ZDHHC20: variants seen among roughly 807,000 people sequenced by gnomAD.
The protein encoded by ZDHHC20 is zDHHC palmitoyltransferase 20.
Under a neutral mutation model 57.8 loss-of-function variants are expected in ZDHHC20, and 43 were observed. The ratio of observed to expected loss-of-function variants is 0.74; its 90% confidence interval spans 0.58 to 0.96. The LOEUF (loss-of-function observed/expected upper bound fraction) is 0.96. Ranked by LOEUF, ZDHHC20 falls within the 40% of genes least tolerant of loss-of-function variation. The pLI, the probability that ZDHHC20 is intolerant of heterozygous loss-of-function variation, is 0.00. For synonymous variants in ZDHHC20, 157 were observed against 153.0 expected, an observed-to-expected ratio of 1.03 and a Z score of -0.19; for missense variants, 391 against 441.1, an observed-to-expected ratio of 0.89 and a Z score of 1.02.
At chr13:21,454,106 G>A (rs540983212) in intron 1 of ZDHHC20, among the ~76,000 whole-genome samples, 3 of 152,146 alleles carry the variant, frequency 2.0e-5, no homozygotes, top group East Asian at 1.9e-4. Context: ...TGGGTGGATC[G>A]CTTGAGGTCA....
At chr13:21,442,262 C>T (rs9509712) in intron 1 of ZDHHC20, among the ~76,000 whole-genome samples, 13,529 of 152,116 alleles carry the variant, frequency 0.089, 657 homozygotes, top group Non-Finnish European at 0.1. Flanking sequence ...TTCCCTTTAT[C>T]GTGATTTCAG....
intron 3 of ZDHHC20, among the ~76,000 whole-genome samples, chr13:21,414,659 C>A (rs1463951169): frequency 6.6e-6 from 1 of 151,732 alleles, no homozygotes; most frequent in Non-Finnish European, 1.5e-5. Flanking sequence ...GCGTGAGCCA[C>A]CGCGCCCGGC....
rs571536652 is a variant in ZDHHC20, at chr13:21,456,903, C to T, written c.118+2151G>A. ...GACCAAACAATTACAGTTCCATTGA[C>T]CCTCATAGCTTACTGAAGTTATATG... On this transcript the variant is annotated intron_variant, in intron 1 of 12. Transcript: ENST00000400590. Among the ~76,000 whole-genome samples, 8 of 152,298 alleles carry T rather than the reference C, an allele frequency of 5.3e-5. No individual in the cohort carries two copies. The South Asian group carries it at 1.7e-3, about 32-fold the overall frequency.
At chr13:21,416,503 A>T (rs1879993467) in intron 3 of ZDHHC20, among the ~76,000 whole-genome samples, 1 of 152,230 alleles carries the variant, frequency 6.6e-6, no homozygotes. Context: ...TCCAAAGATG[A>T]ATAAAAACAA....
rs1455651955 is a variant in ZDHHC20, at chr13:21,459,298, G to A, written c.-127C>T. The A allele has an allele frequency of 1.1e-5, 7 of 637,960 alleles. No individual in the cohort carries two copies. Among genetic ancestry groups the A allele is most frequent in the Non-Finnish European group, 1.7e-5 (7 of 403,828 alleles). 39.5% of individuals were successfully genotyped at this position (637,960 alleles called of 1,614,324 possible). A position where few individuals can be genotyped will look rare whatever the true frequency, so the allele number is the denominator to read the frequency against. On this transcript the variant is annotated 5_prime_UTR_variant, in exon 1 of 13. Transcript: ENST00000400590. ...CCCCCGCCTCCGAGGCAGGACTTGTGGGAGCAAAAGTCCGAGGCGCCGCCG... is the reference window on the plus strand; with the variant it reads ...CCCCCGCCTCCGAGGCAGGACTTGTAGGAGCAAAAGTCCGAGGCGCCGCCG...
chr13:21,455,144 C>A (rs1884805577), intron 1 of ZDHHC20, among the ~76,000 whole-genome samples: 1 of 152,176 alleles, frequency 6.6e-6, no homozygotes, highest in African/African-American at 2.4e-5. Context: ...TGGTTTCGAT[C>A]TCCTGACCTC....
At chr13:21,400,633 G>T (rs1202051963) in intron 6 of ZDHHC20, 140 bp from the exon 7 acceptor site, 2 of 813,380 alleles carry the variant, frequency 2.5e-6, no homozygotes, top group East Asian at 2.9e-5. Flanking sequence ...TTTCAGTTTT[G>T]CAGGATGAAA....
Position 21,409,958 on chromosome 13 carries a change from G to C in ZDHHC20, c.370+3694C>G, listed in dbSNP as rs569546969. On this transcript the variant is annotated intron_variant, in intron 4 of 12. Transcript: ENST00000400590. ...GGAGTTGTGACCCTTTGGAGGAGGA[G>C]AGGCATTCTGGTTTTGGAATTTTCA... Among the ~76,000 whole-genome samples, 19 of 152,306 alleles carry C rather than the reference G, an allele frequency of 1.2e-4. No individual in the cohort carries two copies. The South Asian group carries it at 3.9e-3, about 32-fold the overall frequency.
intron 1 of ZDHHC20, among the ~76,000 whole-genome samples, chr13:21,458,524 T>C (rs1462099711): frequency 3.3e-5 from 5 of 152,106 alleles, no homozygotes; most frequent in Admixed American, 1.3e-4. Flanking sequence ...GTCCTCCAGG[T>C]CTGACCCGCC....
intron 4 of ZDHHC20, among the ~76,000 whole-genome samples, chr13:21,410,839 T>C (rs982293041): frequency 3.3e-5 from 5 of 152,168 alleles, no homozygotes; most frequent in Admixed American, 3.3e-4. Flanking sequence ...CTCAGCTCCC[T>C]AGCTTCAACC....
intron 1 of ZDHHC20, among the ~76,000 whole-genome samples, chr13:21,439,776 T>C (rs7331956): frequency 0.1 from 15,577 of 151,946 alleles, 883 homozygotes; most frequent in African/African-American, 0.13. Flanking sequence ...GGTTATATAA[T>C]ATTCTAATTC....
intron 3 of ZDHHC20, among the ~76,000 whole-genome samples, chr13:21,414,159 T>C (rs1444131754): frequency 6.6e-6 from 1 of 151,872 alleles, no homozygotes; most frequent in Non-Finnish European, 1.5e-5. Context: ...TTGCTTTGGG[T>C]GAAAGGCTAA....
Position 21,421,179 on chromosome 13 carries a change from CAAAT to C in ZDHHC20, c.146-19_146-16del. 3 of 1,602,844 alleles carry C rather than the reference CAAAT, an allele frequency of 1.9e-6. No individual in the cohort carries two copies. Among genetic ancestry groups the C allele is most frequent in the Non-Finnish European group, 2.6e-6 (3 of 1,171,382 alleles). On this transcript the variant is annotated splice_polypyrimidine_tract_variant and intron_variant, in intron 2 of 12. Transcript: ENST00000400590. ...AACGGTCTTTCCTGGTAAATAAAAA[CAAAT>C]AACAGTTCATTGAATCCAGGTGAAA...
At chr13:21,433,911 A>T (rs1396532308) in intron 1 of ZDHHC20, among the ~76,000 whole-genome samples, 1 of 152,230 alleles carries the variant, frequency 6.6e-6, no homozygotes. Flanking sequence ...TAAAAATTCC[A>T]ATTTTAATTA....
chr13:21,447,285 T>C (rs1883819876), intron 1 of ZDHHC20, among the ~76,000 whole-genome samples: 1 of 146,304 alleles, frequency 6.8e-6, no homozygotes, highest in Non-Finnish European at 1.5e-5. Flanking sequence ...GCGCTCTCCC[T>C]CTCCCTCTCC....
At chr13:21,448,011 G>A (rs1244020103) in intron 1 of ZDHHC20, among the ~76,000 whole-genome samples, 85 of 113,548 alleles carry the variant, frequency 7.5e-4, no homozygotes, top group Non-Finnish European at 8.8e-4. Flanking sequence ...CTGCCCGGCC[G>A]CCCCGTCTGA....
chr13:21,433,632 G>A (rs9509701), intron 1 of ZDHHC20, among the ~76,000 whole-genome samples: 31,034 of 151,162 alleles, frequency 0.21, 3,533 homozygotes, highest in Non-Finnish European at 0.25. Context: ...GGTGGGAGGC[G>A]GGAATTCACA....
At chr13:21,456,078 T>G (rs1884901176) in intron 1 of ZDHHC20, among the ~76,000 whole-genome samples, 1 of 152,174 alleles carries the variant, frequency 6.6e-6, no homozygotes, top group African/African-American at 2.4e-5. Context: ...TATGATCTTC[T>G]CCTCCTAGTT....
intron 1 of ZDHHC20, among the ~76,000 whole-genome samples, chr13:21,450,439 G>A (rs1884334325): frequency 6.6e-6 from 1 of 151,988 alleles, no homozygotes; most frequent in Non-Finnish European, 1.5e-5. Flanking sequence ...GTTTATGTGG[G>A]GAAATAAAAC....
Sources: gnomAD v4.1 joint callset for allele counts (sites outside exome capture counted in the v4.1 genomes callset) on GRCh38, gnomAD v4.1.1 for gene constraint, MANE v1.5 for transcripts, NCBI Gene and HGNC (gene_info 2026-07-23, HGNC 2026-07-21) for gene names.